The following MPP7 variants were observed in gnomAD, a reference collection of about 807,000 sequenced individuals.
MPP7 encodes the protein MAGUK p55 scaffold protein 7.
MPP7 carries 60 observed loss-of-function variants against 76.5 expected under a neutral mutation model. The ratio of observed to expected loss-of-function variants is 0.78; its 90% confidence interval spans 0.64 to 0.97. The LOEUF (loss-of-function observed/expected upper bound fraction) is 0.97. MPP7 is among the 50% of genes least tolerant of loss of function. The pLI is 0.00. For missense variants in MPP7, 641 were observed against 694.0 expected (o/e 0.92, Z 0.86); for synonymous variants, 237 against 244.5 (o/e 0.97, Z 0.29).
rs1170347282 is a variant in MPP7 at position 28,323,799 on chromosome 10, G to T, written c.-132+6130C>A. 2.0e-5 allele frequency among the ~76,000 whole-genome samples: 3 copies of T among 152,306 alleles called. No homozygotes were observed. In the East Asian group the frequency reaches 5.8e-4, roughly 29 times the overall value. The stretch of plus-strand genomic sequence containing the variant: ...TGGAGCCACACTGATGGAGCTTGAT[G>T]GTTTGGATGCCGGGTGACTGAATAT... On this transcript the variant is annotated intron_variant, in intron 2 of 11. Coordinates refer to the MPP7 transcript ENST00000441595.
At chr10:28,213,338 A>G (rs542263511) in intron 2 of MPP7, among the ~76,000 whole-genome samples, 3 of 152,230 alleles carry the variant, frequency 2.0e-5, no homozygotes, top group Admixed American at 1.3e-4. Context: ...CAGCTCCTCT[A>G]TGGTCCCACA....
At chr10:28,150,205 T>C (rs1835838744) in intron 3 of MPP7, 146 bp from the exon 4 acceptor site, 1 of 613,478 alleles carries the variant, frequency 1.6e-6, no homozygotes, top group South Asian at 2.0e-5. Context: ...GTAATATGTT[T>C]GTACATGCTA....
chr10:28,126,825 C>G (rs1835031920), intron 6 of MPP7, among the ~76,000 whole-genome samples: 1 of 152,224 alleles, frequency 6.6e-6, no homozygotes, highest in Admixed American at 6.5e-5. Flanking sequence ...ATGCGAATCT[C>G]ACTGCCATGT....
intron 11 of MPP7, among the ~76,000 whole-genome samples, chr10:28,113,618 TCCCA>T (rs368503038): frequency 8.9e-4 from 135 of 151,930 alleles, no homozygotes; most frequent in African/African-American, 3.0e-3. Context: ...GAAAGAAGTA[TCCCA>T]AGAAAGGCAC....
chr10:28,186,347 GA>G (rs34114065), intron 3 of MPP7, among the ~76,000 whole-genome samples: 20 of 134,882 alleles, frequency 1.5e-4, no homozygotes, highest in African/African-American at 2.6e-4. Flanking sequence ...CTCCATCTCA[GA>G]AAAAAAAAAA....
chr10:28,190,818 CA>C (rs199841313), intron 3 of MPP7, among the ~76,000 whole-genome samples: 47 of 146,608 alleles, frequency 3.2e-4, no homozygotes, highest in African/African-American at 6.0e-4. Context: ...GAAACTGGAA[CA>C]AAAAAAAACA....
At chr10:28,271,452 T>C (rs779183432) in intron 1 of MPP7, among the ~76,000 whole-genome samples, 65 of 152,252 alleles carry the variant, frequency 4.3e-4, no homozygotes, top group Non-Finnish European at 9.0e-4. Flanking sequence ...CTTGCTAATC[T>C]GGCTTGATGC....
At chr10:28,089,635 A>G (rs1853189624) in intron 12 of MPP7, 36 bp downstream of exon 12, 6 of 1,583,336 alleles carry the variant, frequency 3.8e-6, no homozygotes, top group Non-Finnish European at 5.2e-6. Flanking sequence ...TAGCTCACTC[A>G]TTTCCTCAGA....
rs558824902 is a variant in MPP7 at position 28,256,078 on chromosome 10, A to G, written c.-131-17343T>C. On this transcript the variant is annotated intron_variant, in intron 1 of 16. Coordinates refer to ENST00000683449, the MANE Select transcript of MPP7 (RefSeq NM_001318170.2). The stretch of plus-strand genomic sequence containing the variant: ...TGACAATCAAAACTGTGCCTACCTG[A>G]GGTCAACAGTATACTAGGAGTGTGA... Among the ~76,000 whole-genome samples the G allele has an allele frequency of 1.4e-4, 21 of 152,296 alleles. No individual in the cohort carries two copies. The South Asian group carries it at 4.4e-3, about 32-fold the overall frequency.
intron 2 of MPP7, among the ~76,000 whole-genome samples, chr10:28,225,544 A>G (rs958828363): frequency 2.0e-5 from 3 of 152,230 alleles, no homozygotes; most frequent in Non-Finnish European, 2.9e-5. Context: ...ACAAATGGCT[A>G]AAAAGTACAT....
intron 3 of MPP7, among the ~76,000 whole-genome samples, chr10:28,179,654 C>A (rs1588890592): frequency 6.6e-6 from 1 of 152,244 alleles, no homozygotes; most frequent in Middle Eastern, 3.4e-3. Flanking sequence ...GAACTAAATT[C>A]TTTAAGCTAG....
intron 2 of MPP7, among the ~76,000 whole-genome samples, chr10:28,326,547 C>A (rs1018785430): frequency 6.6e-6 from 1 of 152,226 alleles, no homozygotes; most frequent in Non-Finnish European, 1.5e-5. Flanking sequence ...AAGTCCAGAT[C>A]ATTAGAAGGG....
intron 2 of MPP7, among the ~76,000 whole-genome samples, chr10:28,327,446 A>G (rs1417431260): frequency 6.6e-6 from 1 of 152,208 alleles, no homozygotes; most frequent in African/African-American, 2.4e-5. Flanking sequence ...ACCAGCTTAG[A>G]AACTTGATAA....
intron 3 of MPP7, among the ~76,000 whole-genome samples, chr10:28,169,878 C>T (rs1268382346): frequency 6.6e-6 from 1 of 152,178 alleles, no homozygotes; most frequent in African/African-American, 2.4e-5. Context: ...CTGTGAATGA[C>T]AGTTTTGTTT....
intron 5 of MPP7, among the ~76,000 whole-genome samples, chr10:28,145,103 C>T (rs1042547111): frequency 2.0e-5 from 3 of 151,944 alleles, no homozygotes; most frequent in South Asian, 2.1e-4. Context: ...TTAGTAGAGA[C>T]GGGGTTTCAC....
chr10:28,076,112 T>C (rs566628482), intron 12 of MPP7, among the ~76,000 whole-genome samples: 3 of 152,268 alleles, frequency 2.0e-5, no homozygotes, highest in Admixed American at 2.0e-4. Flanking sequence ...CATCTGAACT[T>C]GGCTCTTTAT....
chr10:28,301,794 G>T (rs1841161949), intron 1 of MPP7, among the ~76,000 whole-genome samples: 1 of 152,112 alleles, frequency 6.6e-6, no homozygotes, highest in South Asian at 2.1e-4. Context: ...TATAGAACCA[G>T]AGTGAACCTG....
intron 2 of MPP7, among the ~76,000 whole-genome samples, chr10:28,204,419 G>A (rs1309640354): frequency 6.9e-6 from 1 of 144,192 alleles, no homozygotes; most frequent in African/African-American, 2.6e-5. Context: ...CTCCAGCTTG[G>A]GCAACAGAGT....
chr10:28,239,005 C>T (rs1409575845), intron 1 of MPP7, among the ~76,000 whole-genome samples: 30 of 152,090 alleles, frequency 2.0e-4, no homozygotes, highest in Admixed American at 4.6e-4. Context: ...TGATTGGATA[C>T]GTGGATAATT....
Sources: allele counts gnomAD v4.1 joint callset (sites outside exome capture counted in the v4.1 genomes callset), GRCh38; gene constraint gnomAD v4.1.1; transcripts MANE v1.5; gene names NCBI Gene and HGNC (gene_info 2026-07-23, HGNC 2026-07-21).